CDH4: variants seen among roughly 807,000 people sequenced by gnomAD.
CDH4 encodes the protein cadherin 4.
A neutral mutation model predicts 86.0 loss-of-function variants in CDH4; 33 were observed. The ratio of observed to expected loss-of-function variants is 0.38; its 90% CI spans 0.29 to 0.51. The LOEUF (loss-of-function observed/expected upper bound fraction) is 0.51, where lower values mean the gene tolerates loss of function less well. Among genes scored for constraint, CDH4 ranks in the 20% least tolerant of loss-of-function variants. The pLI, the probability that CDH4 is intolerant of heterozygous loss-of-function variation, is 0.86. For synonymous variants in CDH4, 555 were observed against 549.4 expected, an observed-to-expected ratio of 1.01 and a Z score of -0.14; for missense variants, 1,114 against 1,307.4, an observed-to-expected ratio of 0.85 and a Z score of 2.28.
chr20:61,400,770 G>T (rs1215687160), intron 2 of CDH4, among the ~76,000 whole-genome samples: 3 of 152,186 alleles, frequency 2.0e-5, no homozygotes, highest in Non-Finnish European at 4.4e-5. Flanking sequence ...GAGGGCTTCG[G>T]GGCCGGCCTG....
intron 2 of CDH4, among the ~76,000 whole-genome samples, chr20:61,741,955 C>T (rs1243190635): frequency 6.6e-6 from 1 of 152,166 alleles, no homozygotes; most frequent in African/African-American, 2.4e-5. Flanking sequence ...AACAAAGGGG[C>T]TTGTTTGTGT....
intron 2 of CDH4, among the ~76,000 whole-genome samples, chr20:61,700,241 A>G (rs981347239): frequency 5.3e-5 from 8 of 152,128 alleles, no homozygotes; most frequent in Non-Finnish European, 1.2e-4. Flanking sequence ...CCACAGACAT[A>G]CATTCCCTAG....
intron 2 of CDH4, among the ~76,000 whole-genome samples, chr20:61,329,021 T>C (rs1445356784): frequency 6.6e-6 from 1 of 152,218 alleles, no homozygotes; most frequent in Non-Finnish European, 1.5e-5. Context: ...TCGGAACACT[T>C]GCAGGATCAT....
intron 6 of CDH4, among the ~76,000 whole-genome samples, chr20:61,857,247 T>G (rs565980101): frequency 2.0e-5 from 3 of 152,328 alleles, no homozygotes; most frequent in African/African-American, 7.2e-5. Flanking sequence ...GCGTTCGCCA[T>G]GGAGTAAGAC....
At chr20:61,565,307 T>G (rs1201609184) in intron 2 of CDH4, among the ~76,000 whole-genome samples, 3 of 42,566 alleles carry the variant, frequency 7.0e-5, no homozygotes, top group Admixed American at 1.8e-4. Context: ...GGCGGTGCTC[T>G]TGGTGGTGGC....
chr20:61,595,873 T>G (rs1231400149), intron 2 of CDH4, among the ~76,000 whole-genome samples: 1 of 151,996 alleles, frequency 6.6e-6, no homozygotes, highest in Non-Finnish European at 1.5e-5. Context: ...ACAGTGGGGG[T>G]GAATGATTCC....
At chr20:61,714,651 C>G (rs945887176) in intron 2 of CDH4, among the ~76,000 whole-genome samples, 21 of 152,194 alleles carry the variant, frequency 1.4e-4, no homozygotes, top group African/African-American at 4.3e-4. Flanking sequence ...CAAGTGAGGA[C>G]ATGGAATATT....
intron 2 of CDH4, among the ~76,000 whole-genome samples, chr20:61,363,809 T>C (rs2084797079): frequency 6.6e-6 from 1 of 152,172 alleles, no homozygotes; most frequent in South Asian, 2.1e-4. Flanking sequence ...AAGAAGTAGA[T>C]ATAGAAATCG....
intron 9 of CDH4, among the ~76,000 whole-genome samples, chr20:61,914,632 C>T (rs974695851): frequency 6.6e-6 from 1 of 150,542 alleles, no homozygotes. Context: ...CTGCCATGCT[C>T]AGGGGAACAA....
At chr20:61,470,962 A>G (rs1214450277) in intron 2 of CDH4, among the ~76,000 whole-genome samples, 3 of 152,078 alleles carry the variant, frequency 2.0e-5, no homozygotes, top group Admixed American at 1.3e-4. Flanking sequence ...GGATTTTTGC[A>G]TTAATATTCA....
At chr20:61,594,278 G>A (rs1357966679) in intron 2 of CDH4, among the ~76,000 whole-genome samples, 4 of 130,710 alleles carry the variant, frequency 3.1e-5, no homozygotes, top group African/African-American at 1.1e-4. Context: ...GGGAAGGGGG[G>A]CTGAGCTGAG....
At chr20:61,918,673 C>T (rs1044886836) in intron 9 of CDH4, among the ~76,000 whole-genome samples, 3 of 152,108 alleles carry the variant, frequency 2.0e-5, no homozygotes, top group Non-Finnish European at 4.4e-5. Flanking sequence ...CTCACCTAAG[C>T]GTGGTGTCGC....
At chr20:61,429,438 G>A (rs946720899) in intron 2 of CDH4, among the ~76,000 whole-genome samples, 9 of 152,170 alleles carry the variant, frequency 5.9e-5, no homozygotes, top group South Asian at 4.1e-4. Context: ...TATAGAGAGC[G>A]CAACACCCAG....
rs80229088 is a variant in CDH4 at position 61,414,874 on chromosome 20, C to T, written c.169+159937C>T. Among the ~76,000 whole-genome samples the T allele has an allele frequency of 1.1e-4, 17 of 152,336 alleles. No homozygotes were observed. In the East Asian group the frequency reaches 3.3e-3, roughly 29 times the overall value. ...GTGGCAGCTGGTCTGGACTCGTCCTCTTCAGTGAGATGCCTGTGAGTGCCC... is the reference window on the plus strand; with the variant it reads ...GTGGCAGCTGGTCTGGACTCGTCCTTTTCAGTGAGATGCCTGTGAGTGCCC... On this transcript the variant is annotated intron_variant, in intron 2 of 15. Coordinates refer to ENST00000614565, the MANE Select transcript of CDH4 (RefSeq NM_001794.5).
chr20:61,649,660 C>A (rs1440711472), intron 2 of CDH4, among the ~76,000 whole-genome samples: 1 of 152,158 alleles, frequency 6.6e-6, no homozygotes, highest in Non-Finnish European at 1.5e-5. Context: ...TGAACGGGGG[C>A]TCGGTATCCA....
chr20:61,922,314 C>T (rs928611383), intron 9 of CDH4, among the ~76,000 whole-genome samples: 3 of 152,186 alleles, frequency 2.0e-5, no homozygotes, highest in African/African-American at 7.2e-5. Context: ...CATGTAACTT[C>T]CCTCCCTCCC....
intron 2 of CDH4, among the ~76,000 whole-genome samples, chr20:61,346,079 G>A (rs1015075643): frequency 2.0e-5 from 3 of 152,196 alleles, no homozygotes; most frequent in Non-Finnish European, 2.9e-5. Flanking sequence ...TAACCCACGC[G>A]GGATAAATGC....
chr20:61,812,192 C>T (rs902614192), intron 4 of CDH4, among the ~76,000 whole-genome samples: 4 of 141,308 alleles, frequency 2.8e-5, no homozygotes, highest in East Asian at 2.2e-4. Context: ...TTATTGGGGG[C>T]GGGGTATCAG....
At chr20:61,640,495 CA>C (rs1170269002) in intron 2 of CDH4, among the ~76,000 whole-genome samples, 4 of 152,098 alleles carry the variant, frequency 2.6e-5, no homozygotes, top group Non-Finnish European at 4.4e-5. Flanking sequence ...TGCTGCTGTT[CA>C]GGGGGATTGG....
Sources: gnomAD v4.1 joint callset for allele counts (sites outside exome capture counted in the v4.1 genomes callset) on GRCh38, gnomAD v4.1.1 for gene constraint, MANE v1.5 for transcripts, NCBI Gene and HGNC (gene_info 2026-07-23, HGNC 2026-07-21) for gene names.